The following LRFN5 variants were observed in gnomAD, a reference collection of about 807,000 sequenced individuals.
The protein encoded by LRFN5 is leucine rich repeat and fibronectin type III domain containing 5.
In LRFN5, 24 loss-of-function variants were observed where a neutral mutation model predicts 45.6. That is an observed-to-expected ratio of 0.53 (90% CI 0.38 to 0.74). The LOEUF (loss-of-function observed/expected upper bound fraction) is 0.74, where lower values mean the gene tolerates loss of function less well. LRFN5 is among the 30% of genes least tolerant of loss of function. The pLI, the probability that LRFN5 is intolerant of heterozygous loss-of-function variation, is 0.00. For missense variants in LRFN5, 776 were observed against 861.5 expected, an observed-to-expected ratio of 0.90 and a Z score of 1.24; for synonymous variants, 340 against 313.8, an observed-to-expected ratio of 1.08 and a Z score of -0.88.
intron 1 of LRFN5, among the ~76,000 whole-genome samples, chr14:41,691,648 A>G (rs1882383422): frequency 6.6e-6 from 1 of 152,108 alleles, no homozygotes; most frequent in East Asian, 1.9e-4. Flanking sequence ...TAGATCTTAA[A>G]TGATGAGTTT....
chr14:41,871,218 A>G (rs556314187), intron 2 of LRFN5, among the ~76,000 whole-genome samples: 1 of 152,318 alleles, frequency 6.6e-6, no homozygotes, highest in Non-Finnish European at 1.5e-5. Context: ...AGCTTTGCCA[A>G]TTGAAAAATT....
intron 2 of LRFN5, among the ~76,000 whole-genome samples, chr14:41,823,089 T>A (rs1888177482): frequency 6.6e-6 from 1 of 151,842 alleles, no homozygotes; most frequent in African/African-American, 2.4e-5. Context: ...TAAAAAAAAA[T>A]CCATTCTGCT....
chr14:41,803,478 A>G (rs1038015490), intron 2 of LRFN5, among the ~76,000 whole-genome samples: 2 of 151,842 alleles, frequency 1.3e-5, no homozygotes, highest in African/African-American at 4.8e-5. Context: ...CAGCCTCCTG[A>G]GTAGCTAGGA....
chr14:41,706,072 A>G (rs1883051750), intron 1 of LRFN5, among the ~76,000 whole-genome samples: 1 of 152,014 alleles, frequency 6.6e-6, no homozygotes, highest in South Asian at 2.1e-4. Flanking sequence ...TACTACTACA[A>G]ACATGCTACA....
intron 1 of LRFN5, among the ~76,000 whole-genome samples, chr14:41,621,409 T>C (rs1357553237): frequency 6.6e-6 from 1 of 152,132 alleles, no homozygotes; most frequent in Non-Finnish European, 1.5e-5. Flanking sequence ...GCACTCACTG[T>C]TGCTGAATTG....
chr14:41,844,366 G>A (rs1008527896), intron 2 of LRFN5, among the ~76,000 whole-genome samples: 2 of 151,586 alleles, frequency 1.3e-5, no homozygotes, highest in African/African-American at 4.8e-5. Flanking sequence ...GAACCCAGGA[G>A]GCAGAGCTTG....
At chr14:41,817,211 C>G (rs1409296099) in intron 2 of LRFN5, among the ~76,000 whole-genome samples, 1 of 152,062 alleles carries the variant, frequency 6.6e-6, no homozygotes, top group Non-Finnish European at 1.5e-5. Flanking sequence ...CTCTGAGCAT[C>G]TTAATCATAG....
intron 1 of LRFN5, among the ~76,000 whole-genome samples, chr14:41,740,657 C>G (rs1338988447): frequency 6.6e-6 from 1 of 151,784 alleles, no homozygotes; most frequent in African/African-American, 2.4e-5. Context: ...AAAGGATGCT[C>G]ACTGTCATCA....
chr14:41,654,548 G>A lies in LRFN5; in HGVS notation c.-197+45986G>A, dbSNP rs139942757. Among the ~76,000 whole-genome samples the A allele has an allele frequency of 1.8e-3, 274 of 152,148 alleles. 3 individuals are homozygous for A. In the East Asian group the frequency reaches 0.043, roughly 24 times the overall value. ...TTGAAGGGCTTAGAACACTTTTCAG[G>A]TTTGGAGCAGAAGGAGGTCTCAGTA... On this transcript the variant is annotated intron_variant, in intron 1 of 5. Transcript: ENST00000298119.
chr14:41,853,476 G>A (rs1889344359), intron 2 of LRFN5, among the ~76,000 whole-genome samples: 1 of 151,964 alleles, frequency 6.6e-6, no homozygotes, highest in Non-Finnish European at 1.5e-5. Context: ...TTGCAGCATG[G>A]GAAAAGTAAT....
intron 2 of LRFN5, among the ~76,000 whole-genome samples, chr14:41,815,858 T>C (rs1887899069): frequency 6.6e-6 from 1 of 152,186 alleles, no homozygotes; most frequent in Non-Finnish European, 1.5e-5. Flanking sequence ...ATTTCTGTTT[T>C]CTAATGGTTA....
At chr14:41,818,794 T>C (rs1255526334) in intron 2 of LRFN5, among the ~76,000 whole-genome samples, 1 of 152,142 alleles carries the variant, frequency 6.6e-6, no homozygotes, top group African/African-American at 2.4e-5. Context: ...TACATGGATA[T>C]ATTGCAAAGT....
At chr14:41,686,592 T>G (rs1214279254) in intron 1 of LRFN5, among the ~76,000 whole-genome samples, 6 of 152,128 alleles carry the variant, frequency 3.9e-5, no homozygotes. Flanking sequence ...AATATGATAT[T>G]GGCTGTGGGT....
chr14:41,847,484 C>A (rs1889109989), intron 2 of LRFN5, among the ~76,000 whole-genome samples: 1 of 152,042 alleles, frequency 6.6e-6, no homozygotes, highest in Non-Finnish European at 1.5e-5. Context: ...TAAAATTGAA[C>A]ATAACTCCTT....
At chr14:41,738,267 T>C (rs553724797) in intron 1 of LRFN5, among the ~76,000 whole-genome samples, 1 of 152,196 alleles carries the variant, frequency 6.6e-6, no homozygotes, top group South Asian at 2.1e-4. Flanking sequence ...ATATAATAAA[T>C]GGTATTAGGA....
intron 2 of LRFN5, among the ~76,000 whole-genome samples, chr14:41,825,718 A>G (rs1244015460): frequency 1.3e-5 from 2 of 152,144 alleles, no homozygotes; most frequent in African/African-American, 4.8e-5. Context: ...CATACTCAGT[A>G]TAGTGCCTGC....
At chr14:41,898,507 G>C (rs1190617250) in intron 4 of LRFN5, among the ~76,000 whole-genome samples, 1 of 151,836 alleles carries the variant, frequency 6.6e-6, no homozygotes, top group Non-Finnish European at 1.5e-5. Context: ...TATATTTTCT[G>C]CTTTGAATTC....
intron 1 of LRFN5, among the ~76,000 whole-genome samples, chr14:41,648,965 G>A (rs1054063164): frequency 2.6e-5 from 4 of 152,092 alleles, no homozygotes; most frequent in East Asian, 1.9e-4. Flanking sequence ...AAAATTAAAC[G>A]TTTTTAAAGA....
intron 2 of LRFN5, among the ~76,000 whole-genome samples, chr14:41,851,926 C>T (rs1213532381): frequency 6.6e-6 from 1 of 151,354 alleles, no homozygotes; most frequent in Non-Finnish European, 1.5e-5. Context: ...GTATAGAAAC[C>T]ATACCTAATT....
Sources: allele counts gnomAD v4.1 joint callset (sites outside exome capture counted in the v4.1 genomes callset), GRCh38; gene constraint gnomAD v4.1.1; transcripts MANE v1.5; gene names NCBI Gene and HGNC (gene_info 2026-07-23, HGNC 2026-07-21).